Variants in PLA2G2A observed in about 807,000 individuals in gnomAD.
The protein encoded by PLA2G2A is phospholipase A2 group IIA.
PLA2G2A carries 6 observed loss-of-function variants against 11.2 expected under a neutral mutation model. The observed-to-expected ratio is 0.54, with a 90% CI of 0.29 to 1.06. The LOEUF is 1.06. Ranked by LOEUF, PLA2G2A falls within the 50% of genes least tolerant of loss-of-function variation. PLA2G2A has a pLI of 0.08. For missense variants in PLA2G2A, 133 were observed against 177.1 expected (o/e 0.75, Z 1.41); for synonymous variants, 69 against 65.8 (o/e 1.05, Z -0.23).
intron 1 of PLA2G2A, among the ~76,000 whole-genome samples, 190 bp downstream of exon 1, chr1:19,979,390 C>T (rs1018086275): frequency 1.3e-4 from 20 of 152,290 alleles, no homozygotes; most frequent in Admixed American, 4.6e-4. Context: ...CACACACTCT[C>T]GTACTTACCT....
intron 4 of PLA2G2A, 131 bp from the exon 5 acceptor site, chr1:19,975,974 C>G: frequency 1.3e-6 from 1 of 772,832 alleles, no homozygotes; most frequent in Non-Finnish European, 2.2e-6. Context: ...ACCTGCGCTC[C>G]AGATATTTCT....
downstream of PLA2G2A, chr1:19,975,594 G>T: frequency 9.7e-7 from 1 of 1,035,890 alleles, no homozygotes. Flanking sequence ...TCTAGGATGG[G>T]TGAGGGATGC....
intron 1 of PLA2G2A, 21 bp from the exon 2 acceptor site, chr1:19,978,900 C>T: frequency 3.6e-6 from 3 of 844,098 alleles, no homozygotes; most frequent in Non-Finnish European, 6.0e-6. Flanking sequence ...CAGACATGCT[C>T]TCCCATCCAA....
intron 4 of PLA2G2A, 31 bp downstream of exon 4, chr1:19,977,983 AG>A (rs1207346442): frequency 8.0e-7 from 1 of 1,254,372 alleles, no homozygotes; most frequent in Admixed American, 1.7e-5. Flanking sequence ...TAAACAAATG[AG>A]GGCCACTCGA....
At chr1:19,979,807 G>A (rs2046277021), upstream of PLA2G2A, 1 of 152,200 alleles carries the variant, frequency 6.6e-6, no homozygotes, top group South Asian at 2.1e-4. Context: ...GAAACCTTAC[G>A]TGTCAGTAGC....
intron 1 of PLA2G2A, 94 bp from the exon 2 acceptor site, chr1:19,978,973 G>GCACGCGCACACA (rs562663581): frequency 1.9e-5 from 11 of 573,158 alleles, no homozygotes; most frequent in Admixed American, 5.3e-5. Flanking sequence ...CTCCAGCAAT[G>GCACGCGCACACA]CACACACACA....
exon 5 of PLA2G2A, chr1:19,975,752 CTTT>C: frequency 6.2e-7 from 1 of 1,613,600 alleles, no homozygotes; most frequent in South Asian, 1.1e-5. Context: ...AGTACTGGTA[CTTT>C]TTATTGTAGG....
chr1:19,978,826 G>A, exon 2 of PLA2G2A: 1 of 1,582,006 alleles, frequency 6.3e-7, no homozygotes, highest in South Asian at 1.1e-5. Flanking sequence ...CTCCTCTGCT[G>A]GGTGGTCTCA....
chr1:19,975,901 T>C (rs1021632949), intron 4 of PLA2G2A, 58 bp from the exon 5 acceptor site: 3 of 1,496,740 alleles, frequency 2.0e-6, no homozygotes, highest in African/African-American at 2.8e-5. Flanking sequence ...AGTGGCTTCT[T>C]GTGGGAACCC....
chr1:19,978,647 A>C, intron 2 of PLA2G2A, 87 bp downstream of exon 2: 1 of 1,593,406 alleles, frequency 6.3e-7, no homozygotes, highest in Non-Finnish European at 8.6e-7. Context: ...AGAGAGGATC[A>C]CTGCAATGGG....
intron 3 of PLA2G2A, 37 bp from the exon 4 acceptor site, chr1:19,978,158 A>G: frequency 1.3e-6 from 2 of 1,484,322 alleles, no homozygotes; most frequent in Non-Finnish European, 1.9e-6. Context: ...CTTGTCCCAC[A>G]GCTCCAGGAG....
intron 2 of PLA2G2A, 84 bp from the exon 3 acceptor site, chr1:19,978,608 C>T (rs2046258673): frequency 1.2e-6 from 2 of 1,601,874 alleles, no homozygotes; most frequent in Non-Finnish European, 8.5e-7. Flanking sequence ...TACTCTCCTT[C>T]CTCCCAAATG....
At chr1:19,976,303 A>G (rs1220954559) in intron 4 of PLA2G2A, among the ~76,000 whole-genome samples, 2 of 152,214 alleles carry the variant, frequency 1.3e-5, no homozygotes, top group Non-Finnish European at 2.9e-5. Flanking sequence ...TCCTCCCTCC[A>G]AAAAGAGAGA....
chr1:19,979,858 A>G (rs934765968), upstream of PLA2G2A: 2 of 152,272 alleles, frequency 1.3e-5, no homozygotes, highest in African/African-American at 4.8e-5. Context: ...CAGTCTTTCC[A>G]TGGAGTAAAT....
At chr1:19,976,906 T>C (rs1272109044) in intron 4 of PLA2G2A, among the ~76,000 whole-genome samples, 1 of 152,250 alleles carries the variant, frequency 6.6e-6, no homozygotes, top group Non-Finnish European at 1.5e-5. Context: ...GGGAGCCTTG[T>C]TGGCCCTTTT....
At chr1:19,976,348 C>G (rs879791907) in intron 4 of PLA2G2A, among the ~76,000 whole-genome samples, 1 of 152,176 alleles carries the variant, frequency 6.6e-6, no homozygotes, top group Non-Finnish European at 1.5e-5. Context: ...TAGTATGAGG[C>G]CAGGAGGGTG....
chr1:19,978,590 C>G lies in PLA2G2A; in HGVS notation c.41-66G>C, dbSNP rs1178676636. 26 of 1,602,914 alleles carry G rather than the reference C, an allele frequency of 1.6e-5. No homozygotes were observed. In the East Asian group the frequency reaches 5.6e-4, roughly 34 times the overall value. On this transcript the variant is annotated intron_variant, in intron 2 of 4. Transcript: ENST00000482011. ...GGTTCTGCGCCCTCCCTCTCTGCCC[C>G]TCTCTGCTACTCTCCTTCCTCCCAA...
At chr1:19,976,144 G>C (rs1411670042) in intron 4 of PLA2G2A, among the ~76,000 whole-genome samples, 1 of 152,138 alleles carries the variant, frequency 6.6e-6, no homozygotes, top group Non-Finnish European at 1.5e-5. Flanking sequence ...CTAGCCTCGG[G>C]GGTCTGGGAA....
intron 4 of PLA2G2A, among the ~76,000 whole-genome samples, chr1:19,977,076 C>G (rs1349000912): frequency 6.6e-6 from 1 of 152,192 alleles, no homozygotes; most frequent in Non-Finnish European, 1.5e-5. Context: ...CCTCTCAGGT[C>G]TCTGCTGCTG....
Sources: allele counts gnomAD v4.1 joint callset (sites outside exome capture counted in the v4.1 genomes callset), GRCh38; gene constraint gnomAD v4.1.1; transcripts MANE v1.5; gene names NCBI Gene and HGNC (gene_info 2026-07-23, HGNC 2026-07-21).